Variants in PICK1 observed in about 807,000 individuals in gnomAD.
PICK1 encodes the protein protein interacting with PRKCA 1.
A neutral mutation model predicts 48.9 loss-of-function variants in PICK1; 23 were observed. The ratio of observed to expected loss-of-function variants is 0.47; its 90% confidence interval spans 0.34 to 0.67. The LOEUF (loss-of-function observed/expected upper bound fraction) is 0.67. Ranked by LOEUF, PICK1 falls within the 30% of genes least tolerant of loss-of-function variation. The pLI, the probability that PICK1 is intolerant of heterozygous loss-of-function variation, is 0.01. For missense variants in PICK1, 423 were observed against 557.1 expected, an observed-to-expected ratio of 0.76 and a Z score of 2.42; for synonymous variants, 217 against 228.2, an observed-to-expected ratio of 0.95 and a Z score of 0.44.
chr22:38,075,320 G>A lies in PICK1; in HGVS notation c.*188G>A, dbSNP rs2085815686. ...AGGACAGGCACCAGGGTCATGGCCT[G>A]GGACCTGGACACTGGCCCCTCCACC... On this transcript the variant is annotated 3_prime_UTR_variant, in exon 13 of 13. Coordinates refer to ENST00000356976, the MANE Select transcript of PICK1 (RefSeq NM_012407.4). 1 of 616,618 alleles carries A rather than the reference G, an allele frequency of 1.6e-6. No individual in the cohort carries two copies. Among genetic ancestry groups the A allele is most frequent in the Non-Finnish European group, 2.8e-6 (1 of 356,204 alleles). 38.2% of individuals were successfully genotyped at this position (616,618 alleles called of 1,614,324 possible). A position where few individuals can be genotyped will look rare whatever the true frequency, so the allele number is the denominator to read the frequency against.
At position 38,062,571 on chromosome 22, in the gene PICK1, G is replaced by A. The variant is rs143973945; in HGVS notation, c.154-2431G>A. ...CCCCATTTTCTTCAGTCTGTTTTCC[G>A]CCCTGTAGTCTCTCCCCCTTGTGCC... On this transcript the variant is annotated intron_variant, in intron 3 of 12. Coordinates refer to ENST00000356976, the MANE Select transcript of PICK1 (RefSeq NM_012407.4). 4.1e-3 allele frequency among the ~76,000 whole-genome samples: 623 copies of A among 152,090 alleles called. 6 individuals carry two copies. Among genetic ancestry groups the A allele is most frequent in the Middle Eastern group, 0.017 (5 of 294 alleles).
At chr22:38,065,518 G>C (rs1044807482) in intron 4 of PICK1, among the ~76,000 whole-genome samples, 1 of 152,136 alleles carries the variant, frequency 6.6e-6, no homozygotes, top group Admixed American at 6.5e-5. Context: ...TGTCAGCCGG[G>C]TCACGCTGGG....
chr22:38,072,262 G>A (rs2085715744), intron 8 of PICK1, among the ~76,000 whole-genome samples: 1 of 152,192 alleles, frequency 6.6e-6, no homozygotes, highest in African/African-American at 2.4e-5. Flanking sequence ...ACTCTAGGGG[G>A]CACAGACCAG....
In PICK1 at chr22:38,074,242, T is replaced by G; in HGVS notation, c.835-65T>G. The G allele has an allele frequency of 6.3e-7, 1 of 1,582,924 alleles. No individual in the cohort carries two copies. The highest frequency in any genetic ancestry group is 8.7e-7 in the Non-Finnish European group (1 of 1,155,252). ...CTCAGGAATGAAGAACAGCCGTGGC[T>G]TTGAAAGCACAGTGCGGTGCGAGGC... On this transcript the variant is annotated intron_variant, in intron 11 of 12. Coordinates refer to ENST00000356976, the MANE Select transcript of PICK1 (RefSeq NM_012407.4). This position sits in a 1 kb window ranked among gnomAD's most constrained non-coding sequence, Gnocchi z 4.5.
chr22:38,068,661 C>T (rs1377111710), intron 5 of PICK1, among the ~76,000 whole-genome samples: 1 of 152,196 alleles, frequency 6.6e-6, no homozygotes, highest in Non-Finnish European at 1.5e-5. Flanking sequence ...GGCCCCTCTT[C>T]TCCCCCTCCC....
chr22:38,065,522 C>T (rs533575196), intron 4 of PICK1, among the ~76,000 whole-genome samples: 5 of 152,168 alleles, frequency 3.3e-5, no homozygotes, highest in African/African-American at 7.2e-5. Flanking sequence ...AGCCGGGTCA[C>T]GCTGGGCCTG....
rs1301712577 is a variant in PICK1, at chr22:38,073,061, A to G, written c.752A>G (p.Lys251Arg). The change falls in exon 10 of 13, where the codon AAG (lysine) becomes AGG (arginine). Residue 251 changes from lysine to arginine, a missense_variant. This residue lies in a region of PICK1 where 279 missense variants were observed against 417.8 expected (regional missense o/e 0.67). Coordinates refer to ENST00000356976, the MANE Select transcript of PICK1 (RefSeq NM_012407.4). The surrounding 1 kb of genome is among the most constrained non-coding windows in gnomAD (Gnocchi z 5.7). ...KAIPDTRLTIKKYLDVKFEYL... is the reference protein window; with the variant it reads ...KAIPDTRLTIRKYLDVKFEYL... ...ATCCCGGACACTCGCCTCACCATCA[A>G]GAAGTACCTGGACGTGAAGTTTGAG... 6.2e-7 allele frequency: 1 copy of G among 1,613,538 alleles called. No homozygotes were observed. Among genetic ancestry groups the G allele is most frequent in the African/African-American group, 1.3e-5 (1 of 74,924 alleles).
At position 38,065,026 on chromosome 22, in the gene PICK1, T is replaced by G; in HGVS notation, c.178T>G (p.Leu60Val). 3 of 1,614,100 alleles carry G rather than the reference T, an allele frequency of 1.9e-6. No homozygotes were observed. The highest frequency in any genetic ancestry group is 2.5e-6 in the Non-Finnish European group (3 of 1,179,996). Residue 60 changes from leucine to valine, a missense_variant, in exon 4 of 13, where the codon TTG becomes GTG. By Grantham distance (32) the Leu-to-Val change is conservative (BLOSUM62 1). Around this residue, in one of 2 missense-constraint regions of PICK1, gnomAD observed 279 missense variants for 417.8 expected, o/e 0.67. Transcript: ENST00000356976. The part of the protein sequence containing the change: ...VQVFDNTPAA[L>V]DGTVAAGDEI... Reference sequence around the variant, plus strand: ...GGTATTTGACAACACCCCAGCAGCCTTGGACGGCACAGTGGCAGCTGGCGA... The same window carrying G: ...GGTATTTGACAACACCCCAGCAGCCGTGGACGGCACAGTGGCAGCTGGCGA...
intron 9 of PICK1, 97 bp downstream of exon 9, chr22:38,072,707 G>C: frequency 6.6e-7 from 1 of 1,526,522 alleles, no homozygotes; most frequent in Non-Finnish European, 9.0e-7. Context: ...CCTGTGCCTG[G>C]GTACAGCCTC....
Position 38,074,572 on chromosome 22 carries a change from A to T in PICK1, c.979+121A>T. ...GTAAAGCCCCTCCAGGAGCCCAGCC[A>T]TCTGCCCAGAGCCTGGCCTGGGTGG... is the stretch of plus-strand genomic sequence containing the variant. On this transcript the variant is annotated intron_variant, in intron 12 of 12. Transcript: ENST00000356976. This position sits in a 1 kb window ranked among gnomAD's most constrained non-coding sequence, Gnocchi z 4.5. 9.5e-6 allele frequency: 13 copies of T among 1,370,076 alleles called. No homozygotes were observed. The highest frequency in any genetic ancestry group is 1.2e-5 in the Non-Finnish European group (12 of 982,908). 84.9% of individuals were successfully genotyped at this position (1,370,076 alleles called of 1,614,324 possible). A position where few individuals can be genotyped will look rare whatever the true frequency, so the allele number is the denominator to read the frequency against.
chr22:38,072,711 C>T (rs577527795), intron 9 of PICK1, 101 bp downstream of exon 9: 4 of 1,509,496 alleles, frequency 2.6e-6, no homozygotes, highest in Admixed American at 1.7e-5. Flanking sequence ...TGCCTGGGTA[C>T]AGCCTCTGGC....
intron 8 of PICK1, 30 bp downstream of exon 8, chr22:38,071,774 A>T: frequency 6.3e-7 from 1 of 1,597,048 alleles, no homozygotes; most frequent in Non-Finnish European, 8.6e-7. Context: ...CTGTGGTGTG[A>T]CCGTGGGCAA....
chr22:38,068,387 G>A (rs2085585011), intron 5 of PICK1, among the ~76,000 whole-genome samples: 1 of 152,198 alleles, frequency 6.6e-6, no homozygotes, highest in Admixed American at 6.5e-5. Flanking sequence ...CTGAGACCCA[G>A]AGAGGGCGCT....
At chr22:38,071,932 G>T in intron 8 of PICK1, 188 bp downstream of exon 8, 2 of 656,882 alleles carry the variant, frequency 3.0e-6, no homozygotes, top group Admixed American at 2.1e-5. Context: ...CTTAAGGGCC[G>T]CAACGATGAA....
Position 38,074,771 on chromosome 22 carries a change from G to T in PICK1, c.980-93G>T. On this transcript the variant is annotated intron_variant, in intron 12 of 12. Coordinates refer to ENST00000356976, the MANE Select transcript of PICK1 (RefSeq NM_012407.4). This position sits in a 1 kb window ranked among gnomAD's most constrained non-coding sequence, Gnocchi z 4.5. The stretch of plus-strand genomic sequence containing the variant: ...GTGCCCGAGTGGGAAGCCCAGGGGA[G>T]GCGAGAGGTGGGCCGGGTGGGCTGG... 6.6e-7 allele frequency: 1 copy of T among 1,510,650 alleles called. No homozygotes were observed. The highest frequency in any genetic ancestry group is 1.2e-5 in the South Asian group (1 of 86,006). 93.6% of individuals were successfully genotyped at this position (1,510,650 alleles called of 1,614,324 possible).
intron 3 of PICK1, among the ~76,000 whole-genome samples, chr22:38,063,768 A>G (rs775059766): frequency 2.7e-5 from 4 of 150,584 alleles, no homozygotes; most frequent in South Asian, 2.1e-4. Flanking sequence ...TCAGCCTCCC[A>G]AGTAGCTGGG....
chr22:38,064,787 A>AT (rs1363776042), intron 3 of PICK1, among the ~76,000 whole-genome samples: 1 of 152,148 alleles, frequency 6.6e-6, no homozygotes, highest in Non-Finnish European at 1.5e-5. Context: ...TTGACTATGT[A>AT]TTTGAGGCAG....
chr22:38,072,035 G>A (rs1328903000), intron 8 of PICK1: 5 of 514,880 alleles, frequency 9.7e-6, no homozygotes, highest in Non-Finnish European at 1.1e-5. Context: ...TGGGCAGGCC[G>A]ACTGCAGCTG....
At chr22:38,070,552 GGCCCCTGCCA>G (rs1177121982) in intron 6 of PICK1, among the ~76,000 whole-genome samples, 1 of 152,202 alleles carries the variant, frequency 6.6e-6, no homozygotes, top group Non-Finnish European at 1.5e-5. Context: ...CCATTCCTAT[GGCCCCTGCCA>G]GCCTTCCTCC....
Sources: allele counts gnomAD v4.1 joint callset (sites outside exome capture counted in the v4.1 genomes callset), GRCh38; gene constraint gnomAD v4.1.1; regional missense constraint gnomAD v4.1.1; non-coding constraint Gnocchi (gnomAD v3.1); transcripts MANE v1.5; gene names NCBI Gene and HGNC (gene_info 2026-07-23, HGNC 2026-07-21).